Variants in DPY30 observed in about 807,000 individuals in gnomAD.
DPY30 encodes dpy-30 histone methyltransferase complex regulatory subunit.
In DPY30, 6 loss-of-function variants were observed where a neutral mutation model predicts 16.2. That is an observed-to-expected ratio of 0.37 (90% CI 0.20 to 0.73). The LOEUF (loss-of-function observed/expected upper bound fraction) is 0.73. Among genes scored for constraint, DPY30 ranks in the 30% least tolerant of loss-of-function variants. DPY30 has a pLI of 0.51. For synonymous variants in DPY30, 39 were observed against 38.8 expected (o/e 1.00, Z -0.02); for missense variants, 73 against 113.1 (o/e 0.65, Z 1.61).
intron 5 of DPY30, among the ~76,000 whole-genome samples, chr2:32,018,191 C>A (rs1243664063): frequency 1.3e-5 from 2 of 152,052 alleles, no homozygotes; most frequent in African/African-American, 4.8e-5. Flanking sequence ...TAAAAAAAAA[C>A]TGTCAGAGGC....
intron 4 of DPY30, among the ~76,000 whole-genome samples, chr2:32,026,049 G>A (rs1287645777): frequency 2.6e-5 from 4 of 152,022 alleles, no homozygotes; most frequent in Non-Finnish European, 5.9e-5. Context: ...CGAGGCTTCA[G>A]TAAGCCATGA....
chr2:32,038,674 G>T (rs1675847545), intron 3 of DPY30, among the ~76,000 whole-genome samples: 1 of 135,114 alleles, frequency 7.4e-6, no homozygotes, highest in African/African-American at 2.8e-5. Context: ...TTTTGAGACG[G>T]AGTCTCACTC....
intron 3 of DPY30, among the ~76,000 whole-genome samples, chr2:32,031,151 G>A (rs1050822092): frequency 5.3e-5 from 8 of 152,000 alleles, no homozygotes; most frequent in Admixed American, 2.6e-4. Flanking sequence ...GGCCAGGCAC[G>A]GTGGCTGACT....
At chr2:32,034,076 G>A (rs1401162654) in intron 3 of DPY30, among the ~76,000 whole-genome samples, 1 of 152,122 alleles carries the variant, frequency 6.6e-6, no homozygotes, top group Non-Finnish European at 1.5e-5. Flanking sequence ...AAATTTGCAA[G>A]GCAGAGCACT....
chr2:32,025,459 T>A (rs184762154), intron 4 of DPY30, among the ~76,000 whole-genome samples: 1 of 151,014 alleles, frequency 6.6e-6, no homozygotes, highest in Non-Finnish European at 1.5e-5. Context: ...CAAGATTCCG[T>A]CTCAAAAAAA....
chr2:32,019,526 T>C (rs1202595415), downstream of DPY30, among the ~76,000 whole-genome samples: 2 of 151,478 alleles, frequency 1.3e-5, no homozygotes, highest in Admixed American at 6.6e-5. Flanking sequence ...AATATATATA[T>C]AGTATTGGCA....
chr2:32,035,936 GAA>G (rs762915217), intron 3 of DPY30, among the ~76,000 whole-genome samples: 2 of 50,336 alleles, frequency 4.0e-5, no homozygotes, highest in African/African-American at 7.4e-5. Context: ...CAGTCTCGAA[GAA>G]AAAAAAAAAA....
chr2:32,033,866 A>T (rs1415923846), intron 3 of DPY30, among the ~76,000 whole-genome samples: 1 of 152,194 alleles, frequency 6.6e-6, no homozygotes, highest in Admixed American at 6.6e-5. Flanking sequence ...AACACAAACA[A>T]ACAATGAGCT....
intron 3 of DPY30, among the ~76,000 whole-genome samples, chr2:32,039,017 A>G (rs1000978585): frequency 2.6e-5 from 4 of 152,214 alleles, no homozygotes; most frequent in African/African-American, 9.6e-5. Flanking sequence ...AAAGCCACCA[A>G]GAAAAATGAT....
downstream of DPY30, among the ~76,000 whole-genome samples, chr2:32,020,771 C>T (rs191338804): frequency 5.5e-4 from 84 of 152,180 alleles, no homozygotes; most frequent in African/African-American, 1.9e-3. Flanking sequence ...TGACAACTCA[C>T]GTAAATATTT....
rs1488398536 is a variant in DPY30 at position 32,029,648 on chromosome 2, T to C, written c.173A>G (p.Asp58Gly). 3.1e-6 allele frequency: 5 copies of C among 1,613,852 alleles called. No homozygotes were observed. Among genetic ancestry groups the C allele is most frequent in the Non-Finnish European group, 4.2e-6 (5 of 1,180,008 alleles). ...TAATAAGATAGGCACAACTGTCTGA[T>C]CCAGGTAGGCACGAGTTGGCAAAGA... ...LQSLPTRAYL[D>G]QTVVPILLQG... The change falls in exon 4 of 5, where the codon GAT (aspartate) becomes GGT (glycine). Residue 58 changes from aspartate to glycine, a missense_variant. Asp to Gly is a moderately conservative substitution (Grantham distance 94). Coordinates refer to ENST00000342166, the MANE Select transcript of DPY30 (RefSeq NM_001321209.2).
chr2:32,021,007 GCC>G (rs2148653312), downstream of DPY30: 1 of 151,404 alleles, frequency 6.6e-6, no homozygotes, highest in East Asian at 2.0e-4. Context: ...GGTGGCTCAC[GCC>G]TGTAATCCTA....
intron 5 of DPY30, among the ~76,000 whole-genome samples, chr2:32,015,218 T>C (rs564335793): frequency 2.1e-4 from 32 of 152,284 alleles, no homozygotes; most frequent in African/African-American, 7.2e-4. Context: ...GAAAGCCCTA[T>C]AGATCAGAAA....
At chr2:32,021,678 C>CA (rs768177078), downstream of DPY30, among the ~76,000 whole-genome samples, 82 of 119,572 alleles carry the variant, frequency 6.9e-4, no homozygotes, top group East Asian at 9.7e-4. Context: ...GACTCCATCT[C>CA]AAAAAAAAAA....
At chr2:32,023,783 C>T (rs138464378), downstream of DPY30, 81 of 1,305,950 alleles carry the variant, frequency 6.2e-5, no homozygotes, top group East Asian at 4.2e-3. Context: ...TACTTGACTG[C>T]TGTATTTTCT....
chr2:32,028,173 C>T (rs917391084), intron 4 of DPY30, among the ~76,000 whole-genome samples: 1 of 145,676 alleles, frequency 6.9e-6, no homozygotes, highest in Non-Finnish European at 1.5e-5. Context: ...TGCAGTGGTG[C>T]GATCACAGCT....
At chr2:32,023,499 T>A (rs1207736034), downstream of DPY30, 1 of 476,624 alleles carries the variant, frequency 2.1e-6, no homozygotes, top group African/African-American at 2.0e-5. Context: ...TAATAATATC[T>A]ACTTTGCAGA....
intron 3 of DPY30, among the ~76,000 whole-genome samples, chr2:32,033,307 CA>C (rs1416088302): frequency 2.0e-5 from 3 of 149,510 alleles, no homozygotes; most frequent in Non-Finnish European, 4.4e-5. Context: ...GTCTCTGTCT[CA>C]AAAAAAGAAA....
At chr2:32,033,427 C>T (rs559262859) in intron 3 of DPY30, among the ~76,000 whole-genome samples, 16 of 152,308 alleles carry the variant, frequency 1.1e-4, no homozygotes, top group Non-Finnish European at 5.9e-5. Flanking sequence ...AATCCCAGCA[C>T]TTTGGGAGGC....
Sources: gnomAD v4.1 joint callset for allele counts (sites outside exome capture counted in the v4.1 genomes callset) on GRCh38, gnomAD v4.1.1 for gene constraint, MANE v1.5 for transcripts, NCBI Gene and HGNC (gene_info 2026-07-23, HGNC 2026-07-21) for gene names.